The following WDR25 variants were observed in gnomAD, a reference collection of about 807,000 sequenced individuals.
WDR25 encodes the protein WD repeat-containing protein 25.
In WDR25, 35 loss-of-function variants were observed where a neutral mutation model predicts 47.7. That is an observed-to-expected ratio of 0.73 (90% CI 0.56 to 0.97). The LOEUF (loss-of-function observed/expected upper bound fraction) is 0.97. Ranked by LOEUF, WDR25 falls within the 50% of genes least tolerant of loss-of-function variation. The probability of loss-of-function intolerance (pLI) is 0.00; values close to 1 mark genes in which losing one functional copy is unlikely to be tolerated. For synonymous variants in WDR25, 248 were observed against 278.9 expected (o/e 0.89, Z 1.10); for missense variants, 634 against 704.7 (o/e 0.90, Z 1.14).
intron 2 of WDR25, chr14:100,381,964 C>G (rs2140138376): frequency 1.5e-6 from 1 of 657,918 alleles, no homozygotes; most frequent in Non-Finnish European, 2.7e-6. Flanking sequence ...CTCAGGTTAC[C>G]AGAGGATACT....
intron 2 of WDR25, among the ~76,000 whole-genome samples, chr14:100,457,024 C>G (rs1196447354): frequency 1.3e-5 from 2 of 151,238 alleles, no homozygotes; most frequent in African/African-American, 2.4e-5. Context: ...GTGGTGTGAT[C>G]TCGGGTCACT....
chr14:100,477,027 G>A (rs1595128763), intron 3 of WDR25, among the ~76,000 whole-genome samples: 1 of 152,194 alleles, frequency 6.6e-6, no homozygotes, highest in Non-Finnish European at 1.5e-5. Flanking sequence ...TAGTATAGAC[G>A]TTTGCAACTT....
At chr14:100,516,687 C>A (rs1328744143) in intron 4 of WDR25, among the ~76,000 whole-genome samples, 2 of 151,904 alleles carry the variant, frequency 1.3e-5, no homozygotes, top group Non-Finnish European at 2.9e-5. Context: ...GTCACTTCAG[C>A]CCTCATTTGG....
intron 2 of WDR25, among the ~76,000 whole-genome samples, chr14:100,459,907 T>C (rs1414218976): frequency 1.3e-4 from 5 of 37,332 alleles, no homozygotes; most frequent in African/African-American, 5.6e-4. Flanking sequence ...TATATATATA[T>C]ATATATATAT....
intron 2 of WDR25, among the ~76,000 whole-genome samples, chr14:100,431,548 T>TC (rs1898335235): frequency 6.6e-6 from 1 of 151,710 alleles, no homozygotes; most frequent in Non-Finnish European, 1.5e-5. Context: ...GTTGGTAATT[T>TC]CTTTTTTTTT....
At chr14:100,376,780 C>T in intron 1 of WDR25, 2 of 1,213,754 alleles carry the variant, frequency 1.6e-6, no homozygotes, top group Non-Finnish European at 2.1e-6. Context: ...TTTCCACCCA[C>T]ACCAGACCCA....
rs917513333 is a variant in WDR25, at chr14:100,440,519, A to G, written c.823-27502A>G. On this transcript the variant is annotated intron_variant, in intron 2 of 6. Coordinates refer to ENST00000402312, the MANE Select transcript of WDR25 (RefSeq NM_001161476.3). This position sits in a 1 kb window ranked among gnomAD's most constrained non-coding sequence, Gnocchi z 4.4. The stretch of plus-strand genomic sequence containing the variant: ...GCTGGCCGTCATGATTCAGCATGCT[A>G]GCTCTCTGGAGGCTGTGCTGAGCAC... Among the ~76,000 whole-genome samples the G allele has an allele frequency of 1.3e-5, 2 of 152,226 alleles. No homozygotes were observed. Among genetic ancestry groups the G allele is most frequent in the African/African-American group, 4.8e-5 (2 of 41,456 alleles).
intron 4 of WDR25, among the ~76,000 whole-genome samples, chr14:100,515,271 G>A (rs193113311): frequency 1.4e-4 from 21 of 152,086 alleles, no homozygotes; most frequent in Non-Finnish European, 2.6e-4. Context: ...TTTTATCTGT[G>A]GGTTTACAGT....
At chr14:100,518,497 G>T (rs887415334) in intron 4 of WDR25, among the ~76,000 whole-genome samples, 21 of 151,444 alleles carry the variant, frequency 1.4e-4, no homozygotes, top group Admixed American at 1.3e-3. Context: ...TGTGGTTGCA[G>T]AGTCTCTTGA....
rs986115228 is a variant in WDR25, at chr14:100,445,859, C to T, written c.823-22162C>T. ...CCATCCTTTCAGAGCCCATTTCCAC[C>T]ACAGTTGGAAGAAGTAGTTGGGGTT... On this transcript the variant is annotated intron_variant, in intron 2 of 6. Transcript: ENST00000402312. 3.1e-4 allele frequency among the ~76,000 whole-genome samples: 47 copies of T among 152,320 alleles called. 1 individual carries two copies. Among genetic ancestry groups the T allele is most frequent in the East Asian group, 1.2e-3 (6 of 5,186 alleles).
At position 100,495,561 on chromosome 14, in the gene WDR25, G is replaced by C. The variant is rs114569336; in HGVS notation, c.1101+11437G>C. On this transcript the variant is annotated intron_variant, in intron 4 of 6. Transcript: ENST00000402312. Reference sequence around the variant, plus strand: ...CTGACTTGTCCACAATGAGCCTCTAGCAATTTGTCAATTATAATTCAGTTT... The same window carrying C: ...CTGACTTGTCCACAATGAGCCTCTACCAATTTGTCAATTATAATTCAGTTT... 9.7e-3 allele frequency among the ~76,000 whole-genome samples: 1,470 copies of C among 152,246 alleles called. 19 individuals carry two copies. Among genetic ancestry groups the C allele is most frequent in the African/African-American group, 0.033 (1,380 of 41,530 alleles).
chr14:100,416,857 A>G (rs1472350901), intron 2 of WDR25, among the ~76,000 whole-genome samples: 2 of 152,148 alleles, frequency 1.3e-5, no homozygotes, highest in African/African-American at 4.8e-5. Flanking sequence ...GGGCTCACTT[A>G]TGGGACCCAG....
chr14:100,388,170 T>C (rs1458321742), intron 2 of WDR25, among the ~76,000 whole-genome samples: 2 of 152,232 alleles, frequency 1.3e-5, no homozygotes, highest in Non-Finnish European at 2.9e-5. Context: ...CAATTTATTC[T>C]AAGCACGAGG....
In WDR25 at chr14:100,381,172, T is replaced by A. The variant is rs752918157; in HGVS notation, c.248T>A (p.Leu83His). 3 of 1,614,186 alleles carry A rather than the reference T, an allele frequency of 1.9e-6. No homozygotes were observed. Among genetic ancestry groups the A allele is most frequent in the Non-Finnish European group, 2.5e-6 (3 of 1,180,034 alleles). Residue 83 changes from leucine to histidine, a missense_variant, in exon 2 of 7, where the codon CTT becomes CAT. Physicochemically the swap from Leu to His is moderately conservative, Grantham distance 99. Coordinates refer to ENST00000402312, the MANE Select transcript of WDR25 (RefSeq NM_001161476.3). ...GGCTATCGCCTTCCATTGGCTCAGCTTGGGAGAAGCGATTGGGGATCTTGC... is the reference window on the plus strand; with the variant it reads ...GGCTATCGCCTTCCATTGGCTCAGCATGGGAGAAGCGATTGGGGATCTTGC... ...PGGYRLPLAQ[L>H]GRSDWGSCPS...
At chr14:100,406,185 T>C (rs890829783) in intron 2 of WDR25, among the ~76,000 whole-genome samples, 6 of 152,136 alleles carry the variant, frequency 3.9e-5, no homozygotes, top group African/African-American at 1.4e-4. Flanking sequence ...CTGACGTTGA[T>C]ATGTGTGTCT....
At chr14:100,448,193 CAAAAAAAA>C (rs111428141) in intron 2 of WDR25, among the ~76,000 whole-genome samples, 1 of 110,278 alleles carries the variant, frequency 9.1e-6, no homozygotes, top group African/African-American at 3.6e-5. Flanking sequence ...AACTCCGTCT[CAAAAAAAA>C]AAAAAAAAAA....
chr14:100,484,463 GGTGTGTGT>G (rs5810998), intron 4 of WDR25, among the ~76,000 whole-genome samples: 1 of 150,146 alleles, frequency 6.7e-6, no homozygotes. Context: ...ACAGAGAATT[GGTGTGTGT>G]GTGTGTGTGT....
In WDR25 at chr14:100,527,815, G is replaced by A. The variant is rs147609907; in HGVS notation, c.1273-1253G>A. Reference sequence around the variant, plus strand: ...CTCTGTGCCTCTGATGGCCACATCAGCCTGAAGCTGTGCTTCCTGCTGCTC... The same window carrying A: ...CTCTGTGCCTCTGATGGCCACATCAACCTGAAGCTGTGCTTCCTGCTGCTC... On this transcript the variant is annotated intron_variant, in intron 5 of 6. Coordinates refer to ENST00000402312, the MANE Select transcript of WDR25 (RefSeq NM_001161476.3). Among the ~76,000 whole-genome samples the A allele has an allele frequency of 6.0e-4, 92 of 152,358 alleles. 1 individual carries two copies. The highest frequency in any genetic ancestry group is 1.1e-3 in the Non-Finnish European group (75 of 68,028).
intron 2 of WDR25, among the ~76,000 whole-genome samples, chr14:100,389,712 T>C (rs1329686500): frequency 1.3e-5 from 2 of 152,224 alleles, no homozygotes; most frequent in Non-Finnish European, 2.9e-5. Context: ...ACTGTGATAC[T>C]GGCTGAAATG....
Sources: allele counts gnomAD v4.1 joint callset (sites outside exome capture counted in the v4.1 genomes callset), GRCh38; gene constraint gnomAD v4.1.1; non-coding constraint Gnocchi (gnomAD v3.1); transcripts MANE v1.5; gene names NCBI Gene and HGNC (gene_info 2026-07-23, HGNC 2026-07-21).